Variants in ITGB7 observed in about 807,000 individuals in gnomAD.
The protein encoded by ITGB7 is integrin subunit beta 7.
In ITGB7, 55 loss-of-function variants were observed where a neutral mutation model predicts 83.4. The observed-to-expected ratio is 0.66, with a 90% CI of 0.53 to 0.83. ITGB7 has a LOEUF of 0.83. Ranked by LOEUF, ITGB7 falls within the 40% of genes least tolerant of loss-of-function variation. The pLI is 0.00. For synonymous variants in ITGB7, 454 were observed against 423.6 expected (o/e 1.07, Z -0.88); for missense variants, 921 against 1,046.7 (o/e 0.88, Z 1.66).
At chr12:53,202,350 C>A (rs1942340138) in intron 1 of ITGB7, among the ~76,000 whole-genome samples, 2 of 151,968 alleles carry the variant, frequency 1.3e-5, no homozygotes, top group Admixed American at 1.3e-4. Context: ...CAGAGTGAAA[C>A]TCTGTCTTTT....
At chr12:53,204,380 CAA>C (rs1162922421) in intron 1 of ITGB7, among the ~76,000 whole-genome samples, 8 of 89,402 alleles carry the variant, frequency 8.9e-5, no homozygotes, top group Non-Finnish European at 9.2e-5. Context: ...AACTCGGTCT[CAA>C]AAAAAAAAAA....
chr12:53,200,438 C>T lies in ITGB7; in HGVS notation c.6G>A (p.Val2=), dbSNP rs1292417841. 1 of 1,614,168 alleles carries T rather than the reference C, an allele frequency of 6.2e-7. No homozygotes were observed. The highest frequency in any genetic ancestry group is 1.1e-5 in the South Asian group (1 of 91,086). The change falls in exon 3 of 16, where the codon GTG becomes GTA. Residue 2 remains valine, a synonymous_variant. Coordinates refer to ENST00000267082, the MANE Select transcript of ITGB7 (RefSeq NM_000889.3). M[V]ALPMVLVLLL... ...GCAAAACAAGGACCATTGGCAAAGC[C>T]ACCATGCCCTGTAATAGGATATAAA...
intron 14 of ITGB7, 151 bp from the exon 15 acceptor site, chr12:53,192,170 C>A: frequency 8.3e-7 from 1 of 1,200,206 alleles, no homozygotes; most frequent in Non-Finnish European, 1.2e-6. Context: ...CCGCCCAGGG[C>A]CTTAGCCTCG....
chr12:53,193,518 G>T, intron 11 of ITGB7, 155 bp from the exon 12 acceptor site: 1 of 735,822 alleles, frequency 1.4e-6, no homozygotes, highest in Non-Finnish European at 2.2e-6. Context: ...TGAGGGGTGA[G>T]AGAGTGGAGG....
chr12:53,192,057 A>T, intron 14 of ITGB7, 38 bp from the exon 15 acceptor site: 1 of 1,601,498 alleles, frequency 6.2e-7, no homozygotes, highest in Non-Finnish European at 8.5e-7. Flanking sequence ...TGGGAGCTGG[A>T]GCATAGGGAC....
At chr12:53,197,029 C>G (rs1490572725) in intron 5 of ITGB7, 2 of 601,832 alleles carry the variant, frequency 3.3e-6, no homozygotes, top group East Asian at 5.6e-5. Context: ...GAGGACACAA[C>G]TTCCTGGGCA....
chr12:53,197,100 CAAAGGAAGGA>C, intron 5 of ITGB7: 1 of 555,672 alleles, frequency 1.8e-6, no homozygotes, highest in South Asian at 2.1e-5. Flanking sequence ...CAGCATGAGG[CAAAGGAAGGA>C]AATTTGAATA....
rs768795665 is a variant in ITGB7, at chr12:53,196,572, T to A, written c.816+7A>T. On this transcript the variant is annotated splice_region_variant and intron_variant, in intron 6 of 15. Coordinates refer to ENST00000267082, the MANE Select transcript of ITGB7 (RefSeq NM_000889.3). ...TCCAGGCTCAGATCCCCGCCCCACC[T>A]CCTCACCTGGCAGAGTGCAGCCTGC... The A allele has an allele frequency of 5.0e-6, 8 of 1,604,406 alleles. No individual in the cohort carries two copies. The highest frequency in any genetic ancestry group is 6.8e-6 in the Non-Finnish European group (8 of 1,172,520).
At position 53,196,148 on chromosome 12, in the gene ITGB7, C is replaced by G. The variant is rs1049455951; in HGVS notation, c.868G>C (p.Asp290His). The G allele has an allele frequency of 6.2e-7, 1 of 1,614,146 alleles. No individual in the cohort carries two copies. Among genetic ancestry groups the G allele is most frequent in the Non-Finnish European group, 8.5e-7 (1 of 1,180,006 alleles). The change falls in exon 7 of 16, where the codon GAC becomes CAC. Residue 290 changes from aspartate to histidine, a missense_variant. Asp to His is a moderately conservative substitution (Grantham distance 81). Coordinates refer to ENST00000267082, the MANE Select transcript of ITGB7 (RefSeq NM_000889.3). ...CCGTCCCCAGCTGTATGGAATGTGT[C>G]GTCTGAAGTGAACACCAGCAGCCGG... ...VSRLLVFTSDDTFHTAGDGKL... is the reference protein window; with the variant it reads ...VSRLLVFTSDHTFHTAGDGKL...
At chr12:53,193,439 T>A in intron 11 of ITGB7, 76 bp from the exon 12 acceptor site, 1 of 1,087,842 alleles carries the variant, frequency 9.2e-7, no homozygotes, top group Non-Finnish European at 1.3e-6. Context: ...CAGGAACCTC[T>A]AAACCCAAGT....
chr12:53,198,668 T>C (rs12824946), intron 3 of ITGB7, among the ~76,000 whole-genome samples: 31,529 of 140,880 alleles, frequency 0.22, 5,701 homozygotes, highest in African/African-American at 0.52. Context: ...CCCAATAGAG[T>C]CACAGACTTC....
At position 53,193,759 on chromosome 12, in the gene ITGB7, T is replaced by C; in HGVS notation, c.1451A>G (p.Gln484Arg). The C allele has an allele frequency of 6.2e-7, 1 of 1,613,908 alleles. No homozygotes were observed. Among genetic ancestry groups the C allele is most frequent in the Non-Finnish European group, 8.5e-7 (1 of 1,179,934 alleles). Residue 484 changes from glutamine to arginine, a missense_variant, in exon 11 of 16, where the codon CAG (glutamine) becomes CGG (arginine). Gln to Arg is a conservative substitution (Grantham distance 43). Transcript: ENST00000267082. ...CDCNCSDTQP[Q>R]APHCSDGQGH... is the part of the protein sequence containing the mutation. ...CTGGCCATCACTGCAGTGGGGAGCC[T>C]GGGGCTGGGTGTCACTGCAATTACA...
chr12:53,194,183 C>T lies in ITGB7; in HGVS notation c.1308+15G>A, dbSNP rs1942075195. ...TCCCCCTGCCCGCCTTCTGCCTGTG[C>T]TTGCTGGCTCTCACCGTCTGGTTGA... is the stretch of plus-strand genomic sequence containing the variant. On this transcript the variant is annotated intron_variant, in intron 10 of 15. Coordinates refer to ENST00000267082, the MANE Select transcript of ITGB7 (RefSeq NM_000889.3). 1 of 1,613,954 alleles carries T rather than the reference C, an allele frequency of 6.2e-7. No individual in the cohort carries two copies. The highest frequency in any genetic ancestry group is 1.3e-5 in the African/African-American group (1 of 75,006).
At position 53,193,719 on chromosome 12, in the gene ITGB7, A is replaced by G; in HGVS notation, c.1491T>C (p.Cys497=). 1.2e-6 allele frequency: 2 copies of G among 1,612,662 alleles called. No homozygotes were observed. The highest frequency in any genetic ancestry group is 2.2e-5 in the South Asian group (2 of 90,954). Residue 497 remains cysteine (C), a synonymous_variant, in exon 11 of 16, where the codon TGT becomes TGC. Coordinates refer to ENST00000267082, the MANE Select transcript of ITGB7 (RefSeq NM_000889.3). ...GAGGAGGCCCTCACCTGCATACACC[A>G]CATTGTAGGTGTCCCTGGCCATCAC... ...HCSDGQGHLQ[C]GVCSCAPGRL...
chr12:53,193,423 C>A, intron 11 of ITGB7, 60 bp from the exon 12 acceptor site: 1 of 1,270,314 alleles, frequency 7.9e-7, no homozygotes, highest in Non-Finnish European at 1.1e-6. Context: ...CCTGACTTGT[C>A]TCTCCCAGGA....
chr12:53,197,489 T>C lies in ITGB7; in HGVS notation c.574+4A>G. 1 of 1,614,122 alleles carries C rather than the reference T, an allele frequency of 6.2e-7. No homozygotes were observed. Among genetic ancestry groups the C allele is most frequent in the Non-Finnish European group, 8.5e-7 (1 of 1,179,988 alleles). On this transcript the variant is annotated splice_donor_region_variant and intron_variant, in intron 5 of 15. Transcript: ENST00000267082. ...AACAGGGCGGGAGGCAGCGCTCGGC[T>C]CACCAATGCGCACAGAATGGGTGAC...
intron 7 of ITGB7, 103 bp downstream of exon 7, chr12:53,195,938 A>G (rs1349394498): frequency 7.4e-7 from 1 of 1,353,366 alleles, no homozygotes; most frequent in Non-Finnish European, 1.0e-6. Context: ...CAGGGTGTCT[A>G]CAGGGTGGTT....
chr12:53,200,679 A>G (rs1942304407), intron 2 of ITGB7, among the ~76,000 whole-genome samples: 1 of 152,154 alleles, frequency 6.6e-6, no homozygotes, highest in African/African-American at 2.4e-5. Flanking sequence ...CTGTTATCTC[A>G]GCACTTTAGG....
intron 1 of ITGB7, among the ~76,000 whole-genome samples, chr12:53,203,231 A>C (rs1159121852): frequency 6.6e-6 from 1 of 152,224 alleles, no homozygotes; most frequent in Non-Finnish European, 1.5e-5. Flanking sequence ...CAACAAAAAG[A>C]CAACCCAACT....
Sources: allele counts gnomAD v4.1 joint callset (sites outside exome capture counted in the v4.1 genomes callset), GRCh38; gene constraint gnomAD v4.1.1; transcripts MANE v1.5; gene names NCBI Gene and HGNC (gene_info 2026-07-23, HGNC 2026-07-21).